The following OPRM1 variants were observed in gnomAD, a reference collection of about 807,000 sequenced individuals.
OPRM1 encodes opioid receptor mu 1.
OPRM1 carries 27 observed loss-of-function variants against 31.8 expected under a neutral mutation model. That is an observed-to-expected ratio of 0.85 (90% CI 0.63 to 1.17). The LOEUF is 1.17. Ranked by LOEUF, OPRM1 falls within the 50% of genes most tolerant of loss-of-function variation. The pLI is 0.00. For synonymous variants in OPRM1, 196 were observed against 189.9 expected, an observed-to-expected ratio of 1.03 and a Z score of -0.26; for missense variants, 536 against 511.1, an observed-to-expected ratio of 1.05 and a Z score of -0.47.
intron 1 of OPRM1, among the ~76,000 whole-genome samples, chr6:154,070,097 T>C (rs1173935590): frequency 2.0e-5 from 3 of 152,252 alleles, no homozygotes; most frequent in African/African-American, 7.2e-5. Flanking sequence ...CCTTCCATGA[T>C]CAGAAGCAAC....
At chr6:154,035,466 A>T (rs1362926606), upstream of OPRM1, among the ~76,000 whole-genome samples, 1 of 152,178 alleles carries the variant, frequency 6.6e-6, no homozygotes, top group Non-Finnish European at 1.5e-5. Flanking sequence ...CATAGAAAAT[A>T]TCTATAAACA....
At chr6:154,227,530 GCAACATGGTGAAATCCCATCT>G (rs1320130021) in intron 3 of OPRM1, among the ~76,000 whole-genome samples, 1 of 152,022 alleles carries the variant, frequency 6.6e-6, no homozygotes, top group African/African-American at 2.4e-5. Flanking sequence ...ACCAGCCTGG[GCAACATGGTGAAATCCCATCT>G]CTGCAAAAGT....
At chr6:154,209,462 A>G (rs1777780824) in intron 3 of OPRM1, among the ~76,000 whole-genome samples, 1 of 151,994 alleles carries the variant, frequency 6.6e-6, no homozygotes, top group African/African-American at 2.4e-5. Context: ...ACCAACCTAG[A>G]GAACATGGCA....
rs1473490290 is a variant in OPRM1 at position 154,187,213 on chromosome 6, C to CCAGGATT, written c.1165-59480_1165-59479insCAGGATT. ...GACTTATCAGAGAGATTTTCCAGGA[C>CCAGGATT]TACCAATGTAAAATCACACACCCCA... On this transcript the variant is annotated intron_variant, in intron 3 of 3. Transcript: ENST00000337049. Among the ~76,000 whole-genome samples the CCAGGATT allele has an allele frequency of 2.5e-3, 383 of 152,284 alleles. 2 individuals are homozygous for CCAGGATT. Among genetic ancestry groups the CCAGGATT allele is most frequent in the African/African-American group, 9.1e-3 (377 of 41,540 alleles).
At chr6:154,151,458 T>C (rs1798496871) in intron 3 of OPRM1, among the ~76,000 whole-genome samples, 1 of 152,184 alleles carries the variant, frequency 6.6e-6, no homozygotes, top group Non-Finnish European at 1.5e-5. Context: ...CTGTCAGTCA[T>C]TGTTGTGGCC....
At chr6:154,108,107 A>G in intron 3 of OPRM1, 1 of 615,710 alleles carries the variant, frequency 1.6e-6, no homozygotes. Context: ...GAGCGGCCCT[A>G]GTGATCCGGC....
intron 3 of OPRM1, among the ~76,000 whole-genome samples, chr6:154,152,384 GAA>G (rs869258730): frequency 2.0e-4 from 29 of 146,614 alleles, no homozygotes; most frequent in African/African-American, 7.0e-4. Context: ...AAGAAAGAAA[GAA>G]AGAAAGAGAA....
chr6:154,222,889 C>G (rs1348827443), intron 3 of OPRM1: 2 of 436,824 alleles, frequency 4.6e-6, no homozygotes, highest in African/African-American at 3.9e-5. Context: ...CCCTGCCAGT[C>G]CTGGAGGGGG....
At chr6:154,183,816 G>A (rs1384921886) in intron 3 of OPRM1, among the ~76,000 whole-genome samples, 2 of 152,028 alleles carry the variant, frequency 1.3e-5, no homozygotes, top group Non-Finnish European at 2.9e-5. Flanking sequence ...CTTGAACCCA[G>A]GAGGCAGAGG....
At chr6:154,178,222 G>A (rs1800524905) in intron 3 of OPRM1, among the ~76,000 whole-genome samples, 1 of 151,940 alleles carries the variant, frequency 6.6e-6, no homozygotes, top group African/African-American at 2.4e-5. Flanking sequence ...AAACCACCAT[G>A]GCACATGTAT....
intron 3 of OPRM1, among the ~76,000 whole-genome samples, chr6:154,195,740 C>G (rs142285765): frequency 1.5e-3 from 221 of 151,742 alleles, no homozygotes; most frequent in African/African-American, 5.2e-3. Flanking sequence ...TCCTCCCACT[C>G]AGCCCATTAG....
chr6:154,164,741 A>G (rs1799293406), intron 3 of OPRM1, among the ~76,000 whole-genome samples: 1 of 152,256 alleles, frequency 6.6e-6, no homozygotes, highest in Non-Finnish European at 1.5e-5. Context: ...GACATAGGTC[A>G]GAGTAACTCA....
rs946378654 is a variant in OPRM1, at chr6:154,126,262, A to G, written c.*7541A>G. Among the ~76,000 whole-genome samples the G allele has an allele frequency of 6.6e-6, 1 of 152,250 alleles. No individual in the cohort carries two copies. The highest frequency in any genetic ancestry group is 1.5e-5 in the Non-Finnish European group (1 of 68,044). The stretch of plus-strand genomic sequence containing the variant: ...AGTCTGGGTAAAATTGAACATAGCC[A>G]TATTCACTGAACAACATGAGTGAGC... On this transcript the variant is annotated 3_prime_UTR_variant, in exon 4 of 4. Coordinates refer to ENST00000330432, the MANE Select transcript of OPRM1 (RefSeq NM_000914.5).
chr6:154,099,532 AAG>A lies in OPRM1; in HGVS notation c.1164+8069_1164+8070del, dbSNP rs754360971. On this transcript the variant is annotated intron_variant, in intron 3 of 3. Coordinates refer to ENST00000330432, the MANE Select transcript of OPRM1 (RefSeq NM_000914.5). ...GAAGGAAAGAATGAGAGAAAGAGGA[AAG>A]AGAGAGAGGGAGAGAGGAAGGGAGG... is the stretch of plus-strand genomic sequence containing the variant. Among the ~76,000 whole-genome samples, 89 of 150,840 alleles carry A rather than the reference AAG, an allele frequency of 5.9e-4. No individual in the cohort carries two copies. The South Asian group carries it at 0.01, about 17-fold the overall frequency.
At chr6:154,158,380 C>A (rs1467533161) in intron 3 of OPRM1, 1 of 152,172 alleles carries the variant, frequency 6.6e-6, no homozygotes, top group Non-Finnish European at 1.5e-5. Flanking sequence ...CTCTTTAACA[C>A]AATGATTTCT....
chr6:154,107,098 C>T (rs1795687234), intron 3 of OPRM1, among the ~76,000 whole-genome samples: 1 of 152,124 alleles, frequency 6.6e-6, no homozygotes, highest in African/African-American at 2.4e-5. Context: ...TAGAGACAGA[C>T]AGAAGATTCA....
At chr6:154,082,738 C>A (rs1403415430) in intron 1 of OPRM1, among the ~76,000 whole-genome samples, 2 of 152,108 alleles carry the variant, frequency 1.3e-5, no homozygotes, top group Non-Finnish European at 2.9e-5. Context: ...ATATCAGGTT[C>A]TTAGAATAAA....
At chr6:154,211,241 C>A (rs1204261097) in intron 3 of OPRM1, among the ~76,000 whole-genome samples, 1 of 151,934 alleles carries the variant, frequency 6.6e-6, no homozygotes, top group Non-Finnish European at 1.5e-5. Flanking sequence ...ACGGTGAAAT[C>A]CCGTCTCTAC....
chr6:154,244,619 A>T (rs986907513), intron 3 of OPRM1, among the ~76,000 whole-genome samples: 1 of 152,188 alleles, frequency 6.6e-6, no homozygotes, highest in Admixed American at 6.5e-5. Flanking sequence ...TCCTTGTGGA[A>T]GCATGAAGTT....
Sources: gnomAD v4.1 joint callset for allele counts (sites outside exome capture counted in the v4.1 genomes callset) on GRCh38, gnomAD v4.1.1 for gene constraint, MANE v1.5 for transcripts, NCBI Gene and HGNC (gene_info 2026-07-23, HGNC 2026-07-21) for gene names.